The following HTR4 variants were observed in gnomAD, a reference collection of about 807,000 sequenced individuals.
HTR4 encodes 5-hydroxytryptamine (serotonin) receptor 4, G protein-coupled.
In HTR4, 16 loss-of-function variants were observed where a neutral mutation model predicts 36.8. The observed-to-expected ratio is 0.43, with a 90% CI of 0.29 to 0.66. The LOEUF (loss-of-function observed/expected upper bound fraction) is 0.66, where lower values mean the gene tolerates loss of function less well. HTR4 is among the 30% of genes least tolerant of loss of function. The pLI, the probability that HTR4 is intolerant of heterozygous loss-of-function variation, is 0.13. For missense variants in HTR4, 438 were observed against 490.9 expected (o/e 0.89, Z 1.02); for synonymous variants, 189 against 185.1 (o/e 1.02, Z -0.17).
chr5:148,545,750 G>T (rs144809989), intron 4 of HTR4, among the ~76,000 whole-genome samples: 173 of 152,302 alleles, frequency 1.1e-3, no homozygotes, highest in African/African-American at 3.9e-3. Flanking sequence ...TAGGAAGGGG[G>T]TGAAGGGAAG....
At chr5:148,550,325 G>A (rs145524351) in intron 2 of HTR4, 63 bp from the exon 3 acceptor site, 95 of 1,596,462 alleles carry the variant, frequency 6.0e-5, no homozygotes, top group Admixed American at 1.5e-4. Context: ...AGGAAAATTC[G>A]TCTTTTCATC....
intron 6 of HTR4, among the ~76,000 whole-genome samples, chr5:148,489,350 T>C (rs542430401): frequency 2.0e-5 from 3 of 152,282 alleles, no homozygotes; most frequent in Non-Finnish European, 4.4e-5. Flanking sequence ...CAGAGCCTGA[T>C]TGAAACAACA....
chr5:148,636,430 T>C (rs1417593711), intron 2 of HTR4, among the ~76,000 whole-genome samples: 1 of 152,292 alleles, frequency 6.6e-6, no homozygotes, highest in Non-Finnish European at 1.5e-5. Context: ...AATAAAGCAA[T>C]CTTTTCGAAA....
chr5:148,625,023 T>C (rs142649347), intron 2 of HTR4, among the ~76,000 whole-genome samples: 1 of 151,944 alleles, frequency 6.6e-6, no homozygotes, highest in African/African-American at 2.4e-5. Flanking sequence ...TCTGGGAGCA[T>C]AGAGGGGAGG....
chr5:148,524,904 C>T (rs745526012), intron 4 of HTR4, among the ~76,000 whole-genome samples: 1 of 152,038 alleles, frequency 6.6e-6, no homozygotes, highest in Non-Finnish European at 1.5e-5. Context: ...GAGGAGAGCC[C>T]CGTGTTGGAG....
chr5:148,509,699 G>A lies in HTR4; in HGVS notation c.833C>T (p.Thr278Ile). The change falls in exon 6 of 7, where the codon ACC becomes ATC. Residue 278 changes from threonine to isoleucine, a missense_variant. By Grantham distance (89) the Thr-to-Ile change is moderately conservative. Coordinates refer to ENST00000377888, the MANE Select transcript of HTR4 (RefSeq NM_000870.7). The part of the protein sequence containing the change: ...FCLCWAPFFV[T>I]NIVDPFIDYT... ...GTCTATGAAAGGATCCACAATATTG[G>A]TGACAAAGAATGGTGCCCAGCAGAG... The A allele has an allele frequency of 2.5e-6, 4 of 1,614,096 alleles. No homozygotes were observed. Among genetic ancestry groups the A allele is most frequent in the Non-Finnish European group, 3.4e-6 (4 of 1,179,994 alleles).
At chr5:148,554,234 C>T (rs1759828624) in intron 2 of HTR4, among the ~76,000 whole-genome samples, 1 of 152,112 alleles carries the variant, frequency 6.6e-6, no homozygotes, top group Non-Finnish European at 1.5e-5. Flanking sequence ...TGCCACCATG[C>T]CTGGCTAATT....
chr5:148,458,518 T>C (rs566349440), intron 5 of HTR4, among the ~76,000 whole-genome samples: 2 of 152,136 alleles, frequency 1.3e-5, no homozygotes, highest in Non-Finnish European at 2.9e-5. Context: ...GAGAGGTATT[T>C]GGTGATGCTA....
chr5:148,640,696 G>C (rs75722412), intron 1 of HTR4, among the ~76,000 whole-genome samples: 2,603 of 152,256 alleles, frequency 0.017, 82 homozygotes, highest in African/African-American at 0.059. Flanking sequence ...TTTGAGTTGT[G>C]TTCCAGTCAG....
At position 148,503,321 on chromosome 5, in the gene HTR4, G is replaced by A. The variant is rs575444683; in HGVS notation, c.1076+6135C>T. 2.6e-4 allele frequency among the ~76,000 whole-genome samples: 40 copies of A among 152,324 alleles called. No homozygotes were observed. In the South Asian group the frequency reaches 8.1e-3, roughly 31 times the overall value. Reference sequence around the variant, plus strand: ...CGCAGAAACTCTACAAGCCAGAAGAGGGTGGGGGCCAATATTCAACATTCT... The same window carrying A: ...CGCAGAAACTCTACAAGCCAGAAGAAGGTGGGGGCCAATATTCAACATTCT... On this transcript the variant is annotated intron_variant, in intron 6 of 6. Coordinates refer to ENST00000377888, the MANE Select transcript of HTR4 (RefSeq NM_000870.7).
intron 2 of HTR4, 49 bp downstream of exon 2, chr5:148,636,940 C>G: frequency 8.3e-7 from 1 of 1,198,506 alleles, no homozygotes; most frequent in South Asian, 1.3e-5. Context: ...GTCTTCATAG[C>G]AGAAATGTTC....
At chr5:148,601,571 G>A (rs1761996722) in intron 2 of HTR4, among the ~76,000 whole-genome samples, 1 of 152,056 alleles carries the variant, frequency 6.6e-6, no homozygotes, top group Non-Finnish European at 1.5e-5. Flanking sequence ...GAGGCTGAGA[G>A]GGGTGGATAT....
chr5:148,454,273 G>A (rs1328518953), intron 5 of HTR4, among the ~76,000 whole-genome samples: 1 of 152,146 alleles, frequency 6.6e-6, no homozygotes, highest in Non-Finnish European at 1.5e-5. Flanking sequence ...CATAATGTAA[G>A]AAAAACATTA....
At chr5:148,493,889 G>A (rs774430050) in intron 6 of HTR4, among the ~76,000 whole-genome samples, 9 of 152,266 alleles carry the variant, frequency 5.9e-5, no homozygotes, top group Middle Eastern at 3.4e-3. Context: ...TGAGGTAAAC[G>A]TTGAATACAA....
rs772147469 is a variant in HTR4 at position 148,484,776 on chromosome 5, A to G, written c.1077-1483T>C. Reference sequence around the variant, plus strand: ...GGGTTAGATCTGAACATAGCTCTGAACATAGCTTTTGTTCATCCTTGATTC... The same window carrying G: ...GGGTTAGATCTGAACATAGCTCTGAGCATAGCTTTTGTTCATCCTTGATTC... On this transcript the variant is annotated intron_variant, in intron 6 of 6. Transcript: ENST00000377888. Among the ~76,000 whole-genome samples the G allele has an allele frequency of 3.3e-5, 5 of 152,068 alleles. No individual in the cohort carries two copies. In the South Asian group the frequency reaches 6.2e-4, roughly 19 times the overall value.
chr5:148,578,424 A>T (rs1199840621), intron 2 of HTR4, among the ~76,000 whole-genome samples: 1 of 152,020 alleles, frequency 6.6e-6, no homozygotes, highest in Non-Finnish European at 1.5e-5. Context: ...GTTCTTTTCC[A>T]CTCAATATAA....
rs1755968010 is a variant in HTR4 at position 148,483,108 on chromosome 5, A to G, written c.*95T>C. 6.3e-7 allele frequency: 1 copy of G among 1,576,202 alleles called. No homozygotes were observed. The highest frequency in any genetic ancestry group is 8.6e-7 in the Non-Finnish European group (1 of 1,159,066). On this transcript the variant is annotated 3_prime_UTR_variant, in exon 7 of 7. Transcript: ENST00000377888. ...ACTGGCGGACGGAAAGCCTCAGGTG[A>G]AGAGAATACCGGGTGCAGTCGCGCA... is the stretch of plus-strand genomic sequence containing the variant.
At position 148,590,298 on chromosome 5, in the gene HTR4, T is replaced by C. The variant is rs982169048; in HGVS notation, c.27-40036A>G. Among the ~76,000 whole-genome samples, 37 of 124,748 alleles carry C rather than the reference T, an allele frequency of 3.0e-4. No individual in the cohort carries two copies. In the East Asian group the frequency reaches 6.8e-3, roughly 23 times the overall value. 81.8% of individuals were successfully genotyped at this position (124,748 alleles called of 152,430 possible). ...TTCTTTTTTCTTTTCTTTTTTTTTT[T>C]TTTTTTTTTTTTTTTTTGAGACAGA... On this transcript the variant is annotated intron_variant, in intron 2 of 6. Transcript: ENST00000377888.
At chr5:148,557,632 A>T (rs533742110) in intron 2 of HTR4, among the ~76,000 whole-genome samples, 2 of 152,164 alleles carry the variant, frequency 1.3e-5, no homozygotes, top group East Asian at 3.9e-4. Flanking sequence ...TGAGATGTGC[A>T]GTAGAGAAGG....
Sources: allele counts gnomAD v4.1 joint callset (sites outside exome capture counted in the v4.1 genomes callset), GRCh38; gene constraint gnomAD v4.1.1; transcripts MANE v1.5; gene names NCBI Gene and HGNC (gene_info 2026-07-23, HGNC 2026-07-21).